PSMF1: variants seen among roughly 807,000 people sequenced by gnomAD.
PSMF1 encodes the protein proteasome inhibitor subunit 1.
A neutral mutation model predicts 29.3 loss-of-function variants in PSMF1; 30 were observed. The ratio of observed to expected loss-of-function variants is 1.02; its 90% CI spans 0.77 to 1.39. The LOEUF (loss-of-function observed/expected upper bound fraction) is 1.39. PSMF1 is among the 40% of genes most tolerant of loss of function. The pLI is 0.00. For synonymous variants in PSMF1, 134 were observed against 139.7 expected (o/e 0.96, Z 0.29); for missense variants, 344 against 357.5 (o/e 0.96, Z 0.31).
At chr20:1,153,472 A>G (rs1179985147) in intron 4 of PSMF1, among the ~76,000 whole-genome samples, 1 of 151,764 alleles carries the variant, frequency 6.6e-6, no homozygotes, top group Non-Finnish European at 1.5e-5. Context: ...TTCCTCCACA[A>G]TCCATGTTCT....
At chr20:1,131,152 G>T (rs2086223726) in intron 3 of PSMF1, among the ~76,000 whole-genome samples, 2 of 152,234 alleles carry the variant, frequency 1.3e-5, no homozygotes. Context: ...CATTTGGAGT[G>T]TGGTCTCTTG....
At chr20:1,132,919 A>G (rs536626463) in intron 3 of PSMF1, among the ~76,000 whole-genome samples, 4 of 141,594 alleles carry the variant, frequency 2.8e-5, no homozygotes, top group Admixed American at 2.8e-4. Flanking sequence ...CCTGTGTTGA[A>G]CTCTTCTATC....
Position 1,135,155 on chromosome 20 carries a change from A to G in PSMF1, c.400A>G (p.Ile134Val), listed in dbSNP as rs148476395. 1.7e-4 allele frequency: 281 copies of G among 1,614,012 alleles called. No individual in the cohort carries two copies. Among genetic ancestry groups the G allele is most frequent in the Non-Finnish European group, 2.3e-4 (268 of 1,180,030 alleles). ...YKNSEELRSR[I>V]VSGIITPIHE... Reference sequence around the variant, plus strand: ...GAACAGTGAGGAGCTTCGGTCTCGTATTGTGTCTGGAATCATCACACCTAT... The same window carrying G: ...GAACAGTGAGGAGCTTCGGTCTCGTGTTGTGTCTGGAATCATCACACCTAT... Residue 134 changes from isoleucine to valine, a missense_variant, in exon 4 of 7, where the codon ATT becomes GTT. By Grantham distance (29) the Ile-to-Val change is conservative. Transcript: ENST00000335877.
intron 4 of PSMF1, among the ~76,000 whole-genome samples, chr20:1,153,975 G>A (rs959671068): frequency 2.6e-5 from 4 of 152,140 alleles, no homozygotes; most frequent in Non-Finnish European, 5.9e-5. Flanking sequence ...TTGTAGTTAC[G>A]CATGCATACC....
In PSMF1 at chr20:1,163,493, A is replaced by G. The variant is rs1380363822; in HGVS notation, c.605+310A>G. Among the ~76,000 whole-genome samples the G allele has an allele frequency of 6.6e-6, 1 of 152,198 alleles. No homozygotes were observed. The highest frequency in any genetic ancestry group is 2.4e-5 in the African/African-American group (1 of 41,452). ...AGGAGCACATGGTGGGCCTTAGGGC[A>G]GCTCAGGGCTATTCAGAGGTTGCCC... On this transcript the variant is annotated intron_variant, in intron 5 of 6. Coordinates refer to ENST00000335877, the MANE Select transcript of PSMF1 (RefSeq NM_006814.5). This position sits in a 1 kb window ranked among gnomAD's most constrained non-coding sequence, Gnocchi z 6.1.
rs1419629391 is a variant in PSMF1 at position 1,118,613 on chromosome 20, C to T, written c.-161C>T. 1 of 867,500 alleles carries T rather than the reference C, an allele frequency of 1.2e-6. No individual in the cohort carries two copies. The highest frequency in any genetic ancestry group is 1.7e-6 in the Non-Finnish European group (1 of 600,198). 53.7% of individuals were successfully genotyped at this position (867,500 alleles called of 1,614,324 possible). A position where few individuals can be genotyped will look rare whatever the true frequency, so the allele number is the denominator to read the frequency against. On this transcript the variant is annotated 5_prime_UTR_variant, in exon 1 of 7. Transcript: ENST00000335877. ...TTGGGACTACTTCCGGCTTCCCCGCCCCGCCCCGTCCCCGGGCGTCTCCAT... is the reference window on the plus strand; with the variant it reads ...TTGGGACTACTTCCGGCTTCCCCGCTCCGCCCCGTCCCCGGGCGTCTCCAT...
chr20:1,125,993 C>G, intron 2 of PSMF1: 1 of 468,428 alleles, frequency 2.1e-6, no homozygotes, highest in Non-Finnish European at 4.3e-6. Flanking sequence ...TGCCTTGGAG[C>G]CCTTGCACTT....
intron 3 of PSMF1, among the ~76,000 whole-genome samples, chr20:1,130,284 A>G (rs1053806960): frequency 1.3e-5 from 2 of 152,244 alleles, no homozygotes; most frequent in Non-Finnish European, 2.9e-5. Context: ...TGTACTTAAC[A>G]GTACTGAACA....
At chr20:1,118,422 G>A (rs1354349043), upstream of PSMF1, 2 of 215,970 alleles carry the variant, frequency 9.3e-6, no homozygotes, top group Non-Finnish European at 1.8e-5. Context: ...TCAGCAAGGT[G>A]GCCTCTTGGA....
upstream of PSMF1, among the ~76,000 whole-genome samples, chr20:1,116,086 TGTTCATCTGTGTCTG>T (rs1319758386): frequency 6.6e-6 from 1 of 151,224 alleles, no homozygotes; most frequent in Non-Finnish European, 1.5e-5. Flanking sequence ...GACAGGAACC[TGTTCATCTGTGTCTG>T]GCCCACAGTA....
rs6108795 is a variant in PSMF1, at chr20:1,170,956, C to T, written c.*5876C>T. 4.3e-3 allele frequency among the ~76,000 whole-genome samples: 652 copies of T among 152,182 alleles called. 6 individuals carry two copies. The highest frequency in any genetic ancestry group is 0.015 in the African/African-American group (604 of 41,496). ...TAGTGGCATTAGTTGAGATGCTGCA[C>T]CTACCCCCTGGGGTGGCAGAACCGT... On this transcript the variant is annotated 3_prime_UTR_variant, in exon 7 of 7. Transcript: ENST00000335877.
At chr20:1,122,264 T>TA (rs941697811) in intron 1 of PSMF1, among the ~76,000 whole-genome samples, 2 of 151,188 alleles carry the variant, frequency 1.3e-5, no homozygotes, top group African/African-American at 4.9e-5. Context: ...TCTCAGGCCT[T>TA]AGAGTTTTCT....
intron 4 of PSMF1, among the ~76,000 whole-genome samples, chr20:1,159,426 T>C (rs763009363): frequency 2.0e-5 from 3 of 152,170 alleles, no homozygotes; most frequent in Non-Finnish European, 2.9e-5. Flanking sequence ...CCTCCCAAAG[T>C]GCTGCGATTA....
At chr20:1,116,243 G>A (rs1328444725), upstream of PSMF1, among the ~76,000 whole-genome samples, 1 of 152,094 alleles carries the variant, frequency 6.6e-6, no homozygotes, top group Non-Finnish European at 1.5e-5. Flanking sequence ...TTGGATAAGG[G>A]CATTACAAAC....
At chr20:1,126,102 C>T (rs1336328090) in intron 2 of PSMF1, among the ~76,000 whole-genome samples, 1 of 152,174 alleles carries the variant, frequency 6.6e-6, no homozygotes, top group Non-Finnish European at 1.5e-5. Flanking sequence ...TCATTTTTGA[C>T]TTCCTCAAAA....
At chr20:1,162,095 T>A (rs981997278) in intron 4 of PSMF1, among the ~76,000 whole-genome samples, 6 of 152,136 alleles carry the variant, frequency 3.9e-5, no homozygotes, top group African/African-American at 1.2e-4. Flanking sequence ...ATTCTGGGAT[T>A]TCTCTAGAGG....
Position 1,163,233 on chromosome 20 carries a change from TTCAGCCC to T in PSMF1, c.605+51_605+57del. Reference sequence around the variant, plus strand: ...GCAACACAACTTGCTTTTGTGGCTTTTCAGCCCCAGCTCATCTTCTAATTTTAGAGTT... The same window carrying T: ...GCAACACAACTTGCTTTTGTGGCTTTCAGCTCATCTTCTAATTTTAGAGTT... On this transcript the variant is annotated intron_variant, in intron 5 of 6. Transcript: ENST00000335877. The surrounding 1 kb of genome is among the most constrained non-coding windows in gnomAD (Gnocchi z 6.1). 6.3e-7 allele frequency: 1 copy of T among 1,582,372 alleles called. No homozygotes were observed. The highest frequency in any genetic ancestry group is 2.2e-5 in the East Asian group (1 of 44,714).
At position 1,159,637 on chromosome 20, in the gene PSMF1, A is replaced by G. The variant is rs375004208; in HGVS notation, c.552-3493A>G. Among the ~76,000 whole-genome samples, 98 of 152,300 alleles carry G rather than the reference A, an allele frequency of 6.4e-4. 1 individual carries two copies. In the East Asian group the frequency reaches 0.018, roughly 28 times the overall value. On this transcript the variant is annotated intron_variant, in intron 4 of 6. Transcript: ENST00000335877. ...GCCACTCTGGGCGGGGGGGCACTTC[A>G]TGGAGTCAGGTAAGATGCTTACTGC...
chr20:1,162,275 G>T (rs1438937657), intron 4 of PSMF1, among the ~76,000 whole-genome samples: 1 of 151,890 alleles, frequency 6.6e-6, no homozygotes, highest in African/African-American at 2.4e-5. Context: ...TTTATGTAAG[G>T]TTTTTTTGGT....
Sources: gnomAD v4.1 joint callset for allele counts (sites outside exome capture counted in the v4.1 genomes callset) on GRCh38, gnomAD v4.1.1 for gene constraint, Gnocchi (gnomAD v3.1) non-coding constraint, MANE v1.5 for transcripts, NCBI Gene and HGNC (gene_info 2026-07-23, HGNC 2026-07-21) for gene names.